Variants in CR2 observed in about 807,000 individuals in gnomAD.
The protein encoded by CR2 is complement C3d receptor 2.
In CR2, 96 loss-of-function variants were observed where a neutral mutation model predicts 123.0. That is an observed-to-expected ratio of 0.78 (90% confidence interval 0.66 to 0.93). CR2 has a LOEUF of 0.93. CR2 is among the 40% of genes least tolerant of loss of function. The pLI is 0.00. For missense variants in CR2, 1,258 were observed against 1,361.0 expected (o/e 0.92, Z 1.19); for synonymous variants, 484 against 469.5 (o/e 1.03, Z -0.40).
At chr1:207,476,188 T>C in intron 14 of CR2, 46 bp from the exon 15 acceptor site, 1 of 1,572,774 alleles carries the variant, frequency 6.4e-7, no homozygotes, top group Non-Finnish European at 8.7e-7. Flanking sequence ...GCAGGCTATG[T>C]GTTCCTCTGT....
intron 18 of CR2, among the ~76,000 whole-genome samples, chr1:207,482,383 A>G (rs1327035992): frequency 6.6e-6 from 1 of 152,136 alleles, no homozygotes; most frequent in African/African-American, 2.4e-5. Flanking sequence ...TTTGCTGTAG[A>G]TACTTTCATA....
At chr1:207,455,773 C>G (rs1451819992) in intron 1 of CR2, among the ~76,000 whole-genome samples, 1 of 152,174 alleles carries the variant, frequency 6.6e-6, no homozygotes, top group Non-Finnish European at 1.5e-5. Flanking sequence ...AGGATATTAT[C>G]AACTGAAAAT....
intron 13 of CR2, 59 bp downstream of exon 13, chr1:207,474,382 A>G: frequency 8.0e-7 from 1 of 1,253,822 alleles, no homozygotes. Context: ...AGGGCAGGCC[A>G]CTGAAGAATT....
At chr1:207,460,043 T>C (rs1188043236) in intron 1 of CR2, among the ~76,000 whole-genome samples, 1 of 152,230 alleles carries the variant, frequency 6.6e-6, no homozygotes, top group Non-Finnish European at 1.5e-5. Context: ...TCATTGCCAC[T>C]GATTAAATCG....
At position 207,458,770 on chromosome 1, in the gene CR2, A is replaced by T. The variant is rs1194958711; in HGVS notation, c.58+4294A>T. On this transcript the variant is annotated intron_variant, in intron 1 of 19. Coordinates refer to ENST00000367057, the MANE Select transcript of CR2 (RefSeq NM_001006658.3). ...ACATTGTGACATATCACTCTATTTC[A>T]TATTTCATGTTCAGCACCTTCTTAT... Among the ~76,000 whole-genome samples the T allele has an allele frequency of 2.0e-5, 3 of 152,070 alleles. No individual in the cohort carries two copies. In the East Asian group the frequency reaches 5.8e-4, roughly 29 times the overall value.
Position 207,474,981 on chromosome 1 carries a change from A to G in CR2, c.2481A>G (p.Gly827=). Residue 827 remains glycine, a synonymous_variant, in exon 14 of 20, where the codon GGA becomes GGG. Transcript: ENST00000367057. ...TGCAGTGCAGAAGTGATTCTAAAGG[A>G]CATGGATCTTGGAGCGGGCCTTCCC... ...KKLQCRSDSK[G]HGSWSGPSPQ... is the part of the protein sequence containing the mutation. 6.2e-7 allele frequency: 1 copy of G among 1,614,154 alleles called. No homozygotes were observed. The highest frequency in any genetic ancestry group is 1.1e-5 in the South Asian group (1 of 91,088).
At chr1:207,471,307 A>G in intron 8 of CR2, 116 bp from the exon 9 acceptor site, 10 of 953,488 alleles carry the variant, frequency 1.0e-5, no homozygotes, top group Admixed American at 1.7e-5. Flanking sequence ...TGTTGGCTAC[A>G]TTTTTGTTGC....
intron 6 of CR2, 34 bp from the exon 7 acceptor site, chr1:207,470,706 A>T: frequency 6.2e-7 from 1 of 1,604,950 alleles, no homozygotes; most frequent in Non-Finnish European, 8.5e-7. Context: ...TGTTTACTTA[A>T]GCAGTTATGT....
intron 15 of CR2, among the ~76,000 whole-genome samples, chr1:207,476,632 A>G (rs1326916123): frequency 1.3e-5 from 2 of 152,236 alleles, no homozygotes; most frequent in African/African-American, 4.8e-5. Flanking sequence ...CCACTTATGT[A>G]GTCATTTACA....
chr1:207,454,480 A>C lies in CR2; in HGVS notation c.58+4A>C. 6.4e-7 allele frequency: 1 copy of C among 1,556,922 alleles called. No individual in the cohort carries two copies. The stretch of plus-strand genomic sequence containing the variant: ...CTCGTCGCACCGGGGGTCCTCGGTG[A>C]GCTGGGAGGGGGAGCACGGAGGTGG... On this transcript the variant is annotated splice_donor_region_variant and intron_variant, in intron 1 of 19. Coordinates refer to ENST00000367057, the MANE Select transcript of CR2 (RefSeq NM_001006658.3). This position sits in a 1 kb window ranked among gnomAD's most constrained non-coding sequence, Gnocchi z 4.3.
At chr1:207,465,408 CATAT>C (rs34956511) in intron 1 of CR2, among the ~76,000 whole-genome samples, 1 of 149,864 alleles carries the variant, frequency 6.7e-6, no homozygotes, top group Non-Finnish European at 1.5e-5. Context: ...TTTTTTCATA[CATAT>C]ATATATATAT....
intron 5 of CR2, among the ~76,000 whole-genome samples, 153 bp from the exon 6 acceptor site, chr1:207,469,542 A>C (rs553598312): frequency 1.3e-5 from 2 of 152,272 alleles, no homozygotes; most frequent in East Asian, 3.9e-4. Context: ...CTTGAGAATC[A>C]ATCTTCTAAA....
chr1:207,470,087 C>G lies in CR2; in HGVS notation c.1210C>G (p.Pro404Ala), dbSNP rs148388565. ...CCAAGGCACATGGGAGCCATCTGCA[C>G]CAGTCTGTGAAAAGGGTGAGTGTTC... ...NAQGTWEPSA[P>A]VCEKECQAPP... The change falls in exon 6 of 20, where the codon CCA becomes GCA. Residue 404 changes from proline to alanine, a missense_variant. Pro to Ala is a conservative substitution (Grantham distance 27). Transcript: ENST00000367057. The G allele has an allele frequency of 7.8e-4, 1,261 of 1,613,586 alleles. 1 individual carries two copies. The highest frequency in any genetic ancestry group is 1.0e-3 in the Non-Finnish European group (1,189 of 1,179,882).
rs771109756 is a variant in CR2 at position 207,454,371 on chromosome 1, G to A, written c.-48G>A. 1.3e-6 allele frequency: 2 copies of A among 1,520,230 alleles called. No homozygotes were observed. The highest frequency in any genetic ancestry group is 1.4e-5 in the African/African-American group (1 of 73,162). 94.2% of individuals were successfully genotyped at this position (1,520,230 alleles called of 1,614,324 possible). On this transcript the variant is annotated 5_prime_UTR_variant, in exon 1 of 20. Coordinates refer to ENST00000367057, the MANE Select transcript of CR2 (RefSeq NM_001006658.3). This position sits in a 1 kb window ranked among gnomAD's most constrained non-coding sequence, Gnocchi z 4.3. ...CCTTGCCCTCCCAGAGCTGCCGGACGCTCGCGGGTCTCGGAACGCATCCCG... is the reference window on the plus strand; with the variant it reads ...CCTTGCCCTCCCAGAGCTGCCGGACACTCGCGGGTCTCGGAACGCATCCCG...
At chr1:207,484,011 CA>C (rs959070156) in intron 18 of CR2, among the ~76,000 whole-genome samples, 5 of 151,432 alleles carry the variant, frequency 3.3e-5, no homozygotes, top group African/African-American at 4.9e-5. Flanking sequence ...AAAAGGGTCT[CA>C]AAAAAAATTA....
intron 14 of CR2, among the ~76,000 whole-genome samples, chr1:207,475,930 A>T (rs577811555): frequency 2.8e-4 from 43 of 152,320 alleles, no homozygotes; most frequent in Admixed American, 1.3e-4. Flanking sequence ...AGGTGTAACC[A>T]TGTCTGCTAT....
In CR2 at chr1:207,474,821, C is replaced by T. The variant is rs775413786; in HGVS notation, c.2324-3C>T. The T allele has an allele frequency of 2.5e-6, 4 of 1,613,818 alleles. No homozygotes were observed. In the African/African-American group the frequency reaches 5.3e-5, roughly 22 times the overall value. On this transcript the variant is annotated splice_region_variant and splice_polypyrimidine_tract_variant and intron_variant, in intron 13 of 19. Coordinates refer to ENST00000367057, the MANE Select transcript of CR2 (RefSeq NM_001006658.3). The stretch of plus-strand genomic sequence containing the variant: ...AGTAGAACTCCCTAAATCTCTTCTG[C>T]AGTTATTCACTGTCACCCTCCACCA...
At chr1:207,468,940 T>TTG (rs1323437094) in intron 4 of CR2, 41 bp downstream of exon 4, 2 of 1,598,476 alleles carry the variant, frequency 1.3e-6, no homozygotes, top group African/African-American at 2.7e-5. Flanking sequence ...TTCATTTGTC[T>TTG]TGTGTGTGCG....
At chr1:207,484,276 T>C (rs980450961) in intron 18 of CR2, among the ~76,000 whole-genome samples, 1 of 152,238 alleles carries the variant, frequency 6.6e-6, no homozygotes, top group African/African-American at 2.4e-5. Context: ...CTTAAGTGCC[T>C]CAACTGATAT....
Sources: allele counts gnomAD v4.1 joint callset (sites outside exome capture counted in the v4.1 genomes callset), GRCh38; gene constraint gnomAD v4.1.1; non-coding constraint Gnocchi (gnomAD v3.1); transcripts MANE v1.5; gene names NCBI Gene and HGNC (gene_info 2026-07-23, HGNC 2026-07-21).